The following CCBE1 variants were observed in gnomAD, a reference collection of about 807,000 sequenced individuals.
The protein encoded by CCBE1 is collagen and calcium binding EGF domains 1.
Under a neutral mutation model 50.0 loss-of-function variants are expected in CCBE1, and 37 were observed. The ratio of observed to expected loss-of-function variants is 0.74; its 90% CI spans 0.57 to 0.97. CCBE1 has a LOEUF of 0.97. Ranked by LOEUF, CCBE1 falls within the 50% of genes least tolerant of loss-of-function variation. The pLI is 0.00. For missense variants in CCBE1, 538 were observed against 523.8 expected (o/e 1.03, Z -0.26); for synonymous variants, 234 against 203.7 (o/e 1.15, Z -1.27).
chr18:59,637,944 T>A (rs2053935527), intron 2 of CCBE1, among the ~76,000 whole-genome samples: 1 of 152,124 alleles, frequency 6.6e-6, no homozygotes, highest in African/African-American at 2.4e-5. Flanking sequence ...ACAAAAATCT[T>A]TCAAAAAATA....
At chr18:59,540,178 G>T (rs968863905) in intron 2 of CCBE1, among the ~76,000 whole-genome samples, 1 of 152,150 alleles carries the variant, frequency 6.6e-6, no homozygotes, top group South Asian at 2.1e-4. Context: ...CTTATTATAA[G>T]TACTCCTTAA....
At chr18:59,447,899 C>G in intron 7 of CCBE1, 84 bp downstream of exon 7, 1 of 1,595,634 alleles carries the variant, frequency 6.3e-7, no homozygotes, top group Admixed American at 1.7e-5. Context: ...AGCTGGAGAA[C>G]ATTGTCCAGG....
chr18:59,457,340 C>T (rs1911244250), intron 5 of CCBE1, among the ~76,000 whole-genome samples: 1 of 152,138 alleles, frequency 6.6e-6, no homozygotes, highest in African/African-American at 2.4e-5. Flanking sequence ...GAACTGATTA[C>T]CAGCACAAAC....
In CCBE1 at chr18:59,478,839, G is replaced by T. The variant is rs904500811; in HGVS notation, c.265+1347C>A. Among the ~76,000 whole-genome samples the T allele has an allele frequency of 2.0e-5, 3 of 152,186 alleles. No individual in the cohort carries two copies. The East Asian group carries it at 5.8e-4, about 29-fold the overall frequency. ...AGTGCAATTATTGTGACTTTTGTGG[G>T]TTTACCCATCATGCTATAACCAACA... On this transcript the variant is annotated intron_variant, in intron 3 of 10. Coordinates refer to ENST00000439986, the MANE Select transcript of CCBE1 (RefSeq NM_133459.4).
At chr18:59,547,087 G>GAGGGGGAA (rs1568199281) in intron 2 of CCBE1, among the ~76,000 whole-genome samples, 2 of 112,678 alleles carry the variant, frequency 1.8e-5, no homozygotes, top group African/African-American at 7.2e-5. Flanking sequence ...GAGAAAGGGA[G>GAGGGGGAA]AGAGAGGGAG....
chr18:59,581,775 G>A (rs1466696380), intron 2 of CCBE1, among the ~76,000 whole-genome samples: 1 of 152,094 alleles, frequency 6.6e-6, no homozygotes, highest in Non-Finnish European at 1.5e-5. Flanking sequence ...AGCATTCCTG[G>A]TATCCACCTA....
intron 5 of CCBE1, 61 bp from the exon 6 acceptor site, chr18:59,455,012 G>C (rs1911120187): frequency 3.7e-6 from 5 of 1,347,338 alleles, no homozygotes; most frequent in Non-Finnish European, 5.3e-6. Context: ...GACCCAGAGA[G>C]ACAGCATCGG....
rs371050636 is a variant in CCBE1, at chr18:59,662,250, C to A, written c.212+34379G>T. Among the ~76,000 whole-genome samples, 8 of 152,306 alleles carry A rather than the reference C, an allele frequency of 5.3e-5. No homozygotes were observed. The East Asian group carries it at 1.2e-3, about 22-fold the overall frequency. Reference sequence around the variant, plus strand: ...CCAGAAGATAGTCCCATTCTGTGACCTCAGCTGGGAACGTGCATAGTGGGA... The same window carrying A: ...CCAGAAGATAGTCCCATTCTGTGACATCAGCTGGGAACGTGCATAGTGGGA... On this transcript the variant is annotated intron_variant, in intron 2 of 10. Coordinates refer to ENST00000439986, the MANE Select transcript of CCBE1 (RefSeq NM_133459.4).
intron 2 of CCBE1, among the ~76,000 whole-genome samples, chr18:59,543,636 A>C (rs946825115): frequency 1.6e-4 from 24 of 152,220 alleles, no homozygotes; most frequent in African/African-American, 4.3e-4. Flanking sequence ...GAGATCGAGA[A>C]CATCCTGGCT....
Position 59,585,699 on chromosome 18 carries a change from C to T in CCBE1, c.213-105461G>A, listed in dbSNP as rs538804494. On this transcript the variant is annotated intron_variant, in intron 2 of 10. Transcript: ENST00000439986. ...AAAGAGATGCTGAAGATGCCTGGCA[C>T]CCTGATCCACTCCTCATCCAGTATT... Among the ~76,000 whole-genome samples, 70 of 152,336 alleles carry T rather than the reference C, an allele frequency of 4.6e-4. 1 individual carries two copies. The highest frequency in any genetic ancestry group is 1.3e-3 in the African/African-American group (52 of 41,566).
chr18:59,547,026 G>GGAGAGAGAAA (rs1159333130), intron 2 of CCBE1, among the ~76,000 whole-genome samples: 17 of 116,774 alleles, frequency 1.5e-4, no homozygotes, highest in Non-Finnish European at 2.2e-4. Context: ...TAGAGGAATG[G>GGAGAGAGAAA]GAGAGAGAAA....
chr18:59,671,536 G>A (rs76822365), intron 2 of CCBE1, among the ~76,000 whole-genome samples: 2,384 of 151,316 alleles, frequency 0.016, 71 homozygotes, highest in African/African-American at 0.054. Context: ...AGAAGTAACT[G>A]ACTTCTTCTT....
At chr18:59,463,724 C>T (rs1598921841) in intron 5 of CCBE1, among the ~76,000 whole-genome samples, 1 of 152,172 alleles carries the variant, frequency 6.6e-6, no homozygotes, top group South Asian at 2.1e-4. Flanking sequence ...TCAACCTAAC[C>T]CCCAGCAGTA....
intron 2 of CCBE1, among the ~76,000 whole-genome samples, chr18:59,594,998 G>A (rs1320079711): frequency 6.6e-6 from 1 of 151,672 alleles, no homozygotes; most frequent in Non-Finnish European, 1.5e-5. Context: ...TGTAGTCCCA[G>A]CTACTTGAGA....
intron 7 of CCBE1, among the ~76,000 whole-genome samples, chr18:59,442,077 A>G (rs1238365798): frequency 6.6e-6 from 1 of 152,160 alleles, no homozygotes; most frequent in Non-Finnish European, 1.5e-5. Context: ...CACACAATCC[A>G]GCTCACACTA....
chr18:59,619,805 A>T (rs1300114691), intron 2 of CCBE1, among the ~76,000 whole-genome samples: 2 of 152,108 alleles, frequency 1.3e-5, no homozygotes, highest in Non-Finnish European at 2.9e-5. Context: ...TGTTTTGATG[A>T]GGTAAAGAGG....
intron 6 of CCBE1, among the ~76,000 whole-genome samples, chr18:59,451,634 T>C (rs1910937981): frequency 6.6e-6 from 1 of 152,102 alleles, no homozygotes; most frequent in South Asian, 2.1e-4. Flanking sequence ...ATACACCATT[T>C]AAAAACATGT....
chr18:59,668,394 G>A (rs2144703082), intron 2 of CCBE1, among the ~76,000 whole-genome samples: 1 of 149,390 alleles, frequency 6.7e-6, no homozygotes, highest in Admixed American at 6.6e-5. Flanking sequence ...TCCAGCCTGG[G>A]CGACAAAGCG....
chr18:59,632,286 A>T (rs2053859404), intron 2 of CCBE1, among the ~76,000 whole-genome samples: 1 of 152,120 alleles, frequency 6.6e-6, no homozygotes, highest in African/African-American at 2.4e-5. Context: ...GGACCTGACA[A>T]TTGGGAACAA....
Sources: gnomAD v4.1 joint callset for allele counts (sites outside exome capture counted in the v4.1 genomes callset) on GRCh38, gnomAD v4.1.1 for gene constraint, MANE v1.5 for transcripts, NCBI Gene and HGNC (gene_info 2026-07-23, HGNC 2026-07-21) for gene names.